LDLRAD4: variants seen among roughly 807,000 people sequenced by gnomAD.
LDLRAD4 encodes the protein low-density lipoprotein receptor class A domain-containing protein 4.
In LDLRAD4, 5 loss-of-function variants were observed where a neutral mutation model predicts 17.0. The observed-to-expected ratio is 0.29, with a 90% confidence interval of 0.15 to 0.62. The LOEUF is 0.62. Among genes scored for constraint, LDLRAD4 ranks in the 20% least tolerant of loss-of-function variants. The pLI is 0.84. For missense variants in LDLRAD4, 340 were observed against 424.7 expected (o/e 0.80, Z 1.75); for synonymous variants, 168 against 171.8 (o/e 0.98, Z 0.17).
At chr18:13,494,009 T>A (rs973725039) in intron 3 of LDLRAD4, among the ~76,000 whole-genome samples, 2 of 152,210 alleles carry the variant, frequency 1.3e-5, no homozygotes, top group African/African-American at 2.4e-5. Flanking sequence ...CCTTATGGTG[T>A]GGAGGCCGCC....
intron 1 of LDLRAD4, among the ~76,000 whole-genome samples, chr18:13,286,470 C>T (rs1476731648): frequency 1.3e-5 from 2 of 152,220 alleles, no homozygotes; most frequent in Non-Finnish European, 2.9e-5. Context: ...CTTACTGGTT[C>T]AAGCAATCTT....
rs372679020 is a variant in LDLRAD4 at position 13,636,482 on chromosome 18, G to GTTGTTT, written c.337-6851_337-6846dup. Among the ~76,000 whole-genome samples, 238 of 151,460 alleles carry GTTGTTT rather than the reference G, an allele frequency of 1.6e-3. 1 individual carries two copies. The highest frequency in any genetic ancestry group is 5.0e-3 in the South Asian group (24 of 4,792). ...TTTTCACAAAGTTGAATGTTATAAA[G>GTTGTTT]TTGTTTTTGTTTTTGTTTTTGTTTT... On this transcript the variant is annotated intron_variant, in intron 4 of 5. Transcript: ENST00000359446.
chr18:13,497,841 C>G (rs1032806684), intron 3 of LDLRAD4, among the ~76,000 whole-genome samples: 1 of 152,122 alleles, frequency 6.6e-6, no homozygotes, highest in African/African-American at 2.4e-5. Flanking sequence ...TTCCCACACA[C>G]GTCCCGCCGT....
chr18:13,626,151 G>A (rs917969713), intron 4 of LDLRAD4, among the ~76,000 whole-genome samples: 16 of 152,132 alleles, frequency 1.1e-4, no homozygotes, highest in Non-Finnish European at 2.2e-4. Context: ...AGATAGCAGC[G>A]GCGGGTCCGG....
intron 1 of LDLRAD4, among the ~76,000 whole-genome samples, chr18:13,219,347 C>G (rs1290338928): frequency 1.3e-5 from 2 of 152,156 alleles, no homozygotes; most frequent in Admixed American, 6.5e-5. Context: ...GTTTTTCCCC[C>G]AAAATTTTTT....
At chr18:13,552,545 C>G (rs1339959758) in intron 3 of LDLRAD4, among the ~76,000 whole-genome samples, 2 of 152,200 alleles carry the variant, frequency 1.3e-5, no homozygotes, top group South Asian at 4.1e-4. Context: ...CCCTGGCCTC[C>G]TCTCTGGTTG....
intron 3 of LDLRAD4, among the ~76,000 whole-genome samples, chr18:13,500,336 T>G (rs2093591768): frequency 6.6e-6 from 1 of 152,232 alleles, no homozygotes; most frequent in Non-Finnish European, 1.5e-5. Flanking sequence ...CCCGTGGGGC[T>G]GTGCGGGACA....
chr18:13,552,259 C>T (rs1428119344), intron 3 of LDLRAD4, among the ~76,000 whole-genome samples: 2 of 152,224 alleles, frequency 1.3e-5, no homozygotes, highest in Non-Finnish European at 2.9e-5. Flanking sequence ...AACTGTCCAC[C>T]AGCCCTTTCC....
intron 1 of LDLRAD4, among the ~76,000 whole-genome samples, chr18:13,288,245 C>A (rs2045743420): frequency 6.6e-6 from 1 of 152,160 alleles, no homozygotes; most frequent in African/African-American, 2.4e-5. Context: ...AATGTCCCAA[C>A]CTCAACTTCA....
exon 1 of LDLRAD4, chr18:13,218,872 A>T (rs2041286694): frequency 6.6e-6 from 1 of 152,372 alleles, no homozygotes; most frequent in African/African-American, 2.4e-5. Context: ...AGCGACAAGC[A>T]CCCAGCCCGG....
chr18:13,264,655 G>A (rs1315368870), intron 1 of LDLRAD4, among the ~76,000 whole-genome samples: 1 of 152,242 alleles, frequency 6.6e-6, no homozygotes, highest in East Asian at 1.9e-4. Flanking sequence ...ACGGTTTTGT[G>A]CTTTTCTCTG....
intron 1 of LDLRAD4, among the ~76,000 whole-genome samples, chr18:13,266,656 A>G (rs915871356): frequency 2.6e-5 from 4 of 152,276 alleles, no homozygotes; most frequent in Admixed American, 6.5e-5. Flanking sequence ...CTCCACGCTC[A>G]GGCGCTGCCT....
chr18:13,645,469 A>G lies in LDLRAD4; in HGVS notation c.733A>G (p.Asn245Asp). The change falls in exon 6 of 6, where the codon AAC (asparagine) becomes GAC (aspartate). Residue 245 changes from asparagine (N) to aspartate (D), a missense_variant. Coordinates refer to ENST00000359446, the Ensembl canonical transcript of LDLRAD4. The surrounding 1 kb of genome is among the most constrained non-coding windows in gnomAD (Gnocchi z 5.7). The stretch of plus-strand genomic sequence containing the variant: ...CATCAGTGCAAGCACCTGCAGCAGT[A>G]ACGGGAGGATGGAGGGGCCACCCCC... 1 of 1,612,538 alleles carries G rather than the reference A, an allele frequency of 6.2e-7. No homozygotes were observed. Among genetic ancestry groups the G allele is most frequent in the African/African-American group, 1.3e-5 (1 of 75,046 alleles).
chr18:13,269,587 G>A (rs2044408144), intron 1 of LDLRAD4, among the ~76,000 whole-genome samples: 1 of 151,608 alleles, frequency 6.6e-6, no homozygotes, highest in Non-Finnish European at 1.5e-5. Context: ...CTGAGGGGAA[G>A]CCCATTTGCG....
At chr18:13,637,161 A>G (rs768452488) in intron 4 of LDLRAD4, among the ~76,000 whole-genome samples, 46 of 151,024 alleles carry the variant, frequency 3.0e-4, no homozygotes, top group Non-Finnish European at 5.7e-4. Context: ...CTGCCTCCCT[A>G]TGTGACCTCA....
intron 3 of LDLRAD4, among the ~76,000 whole-genome samples, chr18:13,593,929 G>A (rs1268997517): frequency 1.3e-5 from 2 of 152,020 alleles, no homozygotes; most frequent in East Asian, 3.8e-4. Context: ...AGAGTACCTG[G>A]GAGTACAAGT....
rs888918080 is a variant in LDLRAD4, at chr18:13,501,420, C to T, written c.181+63036C>T. 3.3e-5 allele frequency: 5 copies of T among 152,282 alleles called. No individual in the cohort carries two copies. In the South Asian group the frequency reaches 6.2e-4, roughly 19 times the overall value. 9.4% of individuals were successfully genotyped at this position (152,282 alleles called of 1,614,324 possible). On this transcript the variant is annotated intron_variant, in intron 3 of 5. Transcript: ENST00000359446. ...ATTGCCATGCTAAGCAAGTCTGCGC[C>T]GAGAAGAGCTGAGTACCTGCCGACG...
chr18:13,584,804 A>G (rs574546275), intron 3 of LDLRAD4, among the ~76,000 whole-genome samples: 111 of 152,352 alleles, frequency 7.3e-4, no homozygotes, highest in African/African-American at 2.5e-3. Context: ...AGGATAAACC[A>G]TAATTGTCCA....
At position 13,621,653 on chromosome 18, in the gene LDLRAD4, T is replaced by C. The variant is rs2040645212; in HGVS notation, c.336+382T>C. Among the ~76,000 whole-genome samples, 1 of 152,198 alleles carries C rather than the reference T, an allele frequency of 6.6e-6. No individual in the cohort carries two copies. Among genetic ancestry groups the C allele is most frequent in the African/African-American group, 2.4e-5 (1 of 41,454 alleles). ...TTCATTGTGTTGTAAAATCCTGTCC[T>C]GAGCTGGGTCCTGGAGGTGCTGCGG... On this transcript the variant is annotated intron_variant, in intron 4 of 5. Transcript: ENST00000359446. The surrounding 1 kb of genome is among the most constrained non-coding windows in gnomAD (Gnocchi z 5.5).
Sources: allele counts gnomAD v4.1 joint callset (sites outside exome capture counted in the v4.1 genomes callset), GRCh38; gene constraint gnomAD v4.1.1; non-coding constraint Gnocchi (gnomAD v3.1); transcripts MANE v1.5; gene names NCBI Gene and HGNC (gene_info 2026-07-23, HGNC 2026-07-21).